CSF1R: variants seen among roughly 807,000 people sequenced by gnomAD.
CSF1R encodes colony stimulating factor 1 receptor, also known as macrophage colony-stimulating factor 1 receptor.
CSF1R carries 40 observed loss-of-function variants against 110.0 expected under a neutral mutation model. That is an observed-to-expected ratio of 0.36 (90% CI 0.28 to 0.47). The LOEUF (loss-of-function observed/expected upper bound fraction) is 0.47, where lower values mean the gene tolerates loss of function less well. CSF1R is among the 20% of genes least tolerant of loss of function. CSF1R has a pLI of 0.99. For missense variants in CSF1R, 1,052 were observed against 1,253.0 expected, an observed-to-expected ratio of 0.84 and a Z score of 2.42; for synonymous variants, 523 against 503.4, an observed-to-expected ratio of 1.04 and a Z score of -0.52.
At chr5:150,054,298 C>G (rs1161668017) in intron 20 of CSF1R, 24 bp downstream of exon 20, 3 of 1,614,064 alleles carry the variant, frequency 1.9e-6, no homozygotes, top group Non-Finnish European at 2.5e-6. Flanking sequence ...ACCGGCCACC[C>G]ACCCCAAGCC....
At chr5:150,054,510 A>G in intron 19 of CSF1R, 80 bp from the exon 20 acceptor site, 2 of 1,218,334 alleles carry the variant, frequency 1.6e-6, no homozygotes, top group African/African-American at 1.5e-5. Flanking sequence ...AGAGAGACCT[A>G]CCCAGCAGAG....
intron 1 of CSF1R, among the ~76,000 whole-genome samples, chr5:150,103,055 C>A (rs1351946069): frequency 1.3e-5 from 2 of 152,184 alleles, no homozygotes; most frequent in African/African-American, 4.8e-5. Context: ...CAGTGAAGTG[C>A]ATAGCTCTAT....
chr5:150,096,814 G>A (rs186482469), intron 1 of CSF1R, among the ~76,000 whole-genome samples: 1 of 152,248 alleles, frequency 6.6e-6, no homozygotes, highest in Non-Finnish European at 1.5e-5. Flanking sequence ...ATATGGTAAA[G>A]GGCATCTGTA....
At chr5:150,092,266 A>G (rs368068581) in intron 1 of CSF1R, among the ~76,000 whole-genome samples, 2 of 152,318 alleles carry the variant, frequency 1.3e-5, no homozygotes. Flanking sequence ...TTAAAGCAAA[A>G]GTAGTAGCAA....
chr5:150,084,391 G>GAAAGAAAGA (rs1194817821), intron 1 of CSF1R, among the ~76,000 whole-genome samples: 2 of 29,668 alleles, frequency 6.7e-5, no homozygotes, highest in East Asian at 7.2e-4. Flanking sequence ...AAGAAAGAAA[G>GAAAGAAAGA]AAGGAAGGAA....
Position 150,054,303 on chromosome 5 carries a change from C to T in CSF1R, c.2763+19G>A. 1 of 1,614,118 alleles carries T rather than the reference C, an allele frequency of 6.2e-7. No individual in the cohort carries two copies. Reference sequence around the variant, plus strand: ...AACGTGCTTTACCGGCCACCCACCCCAAGCCTCACCCCACTCACCCGCTCT... The same window carrying T: ...AACGTGCTTTACCGGCCACCCACCCTAAGCCTCACCCCACTCACCCGCTCT... On this transcript the variant is annotated intron_variant, in intron 20 of 20. Coordinates refer to ENST00000675795, the MANE Select transcript of CSF1R (RefSeq NM_001288705.3).
upstream of CSF1R, among the ~76,000 whole-genome samples, chr5:150,090,592 C>A (rs1209338880): frequency 6.6e-6 from 1 of 152,018 alleles, no homozygotes; most frequent in Non-Finnish European, 1.5e-5. Flanking sequence ...TGTAGAATCA[C>A]GCAATATGTA....
In CSF1R at chr5:150,086,528, C is replaced by A. The variant is rs560184933; in HGVS notation, c.-101G>T. The stretch of plus-strand genomic sequence containing the variant: ...CGCAGGGATCGGGACACTGGACACA[C>A]GTTCCTCTCCTCTGCACTGGCTGTT... On this transcript the variant is annotated 5_prime_UTR_variant, in exon 1 of 21. Transcript: ENST00000675795. 2.4e-4 allele frequency: 268 copies of A among 1,103,978 alleles called. No homozygotes were observed. Among genetic ancestry groups the A allele is most frequent in the Admixed American group, 1.3e-3 (63 of 49,770 alleles). 68.4% of individuals were successfully genotyped at this position (1,103,978 alleles called of 1,614,324 possible). A position where few individuals can be genotyped will look rare whatever the true frequency, so the allele number is the denominator to read the frequency against.
chr5:150,054,929 G>A (rs1305850933), intron 19 of CSF1R: 2 of 312,712 alleles, frequency 6.4e-6, no homozygotes, highest in Non-Finnish European at 1.2e-5. Context: ...GATTGAGGCT[G>A]CAGTGAGCTA....
intron 1 of CSF1R, among the ~76,000 whole-genome samples, chr5:150,091,852 CAAAAAAAAAAAA>C (rs57967086): frequency 1.4e-5 from 1 of 71,228 alleles, no homozygotes; most frequent in African/African-American, 5.9e-5. Flanking sequence ...CCCATACTAC[CAAAAAAAAAAAA>C]AAAAAAAAAA....
Position 150,056,012 on chromosome 5 carries a change from G to A in CSF1R, c.2554+14C>T, listed in dbSNP as rs774473631. On this transcript the variant is annotated intron_variant, in intron 18 of 20. Transcript: ENST00000675795. ...CAGCCCCAGGCTCTGCCTGGAGTGG[G>A]CCCAGTGGCTCACCAAGTGAGAAGA... 2 of 1,611,734 alleles carry A rather than the reference G, an allele frequency of 1.2e-6. No individual in the cohort carries two copies. The highest frequency in any genetic ancestry group is 1.7e-5 in the Admixed American group (1 of 59,972).
At chr5:150,110,007 T>A (rs192344050) in intron 1 of CSF1R, among the ~76,000 whole-genome samples, 6 of 152,278 alleles carry the variant, frequency 3.9e-5, no homozygotes, top group African/African-American at 1.4e-4. Context: ...ACTTCCTGGA[T>A]CTCTTCGCCC....
intron 9 of CSF1R, 94 bp from the exon 10 acceptor site, chr5:150,068,424 CAATA>C: frequency 1.3e-6 from 1 of 780,026 alleles, no homozygotes; most frequent in Non-Finnish European, 2.1e-6. Context: ...AGTGGGTGCT[CAATA>C]AATGCTTGTT....
In CSF1R at chr5:150,054,329, C is replaced by T; in HGVS notation, c.2756G>A (p.Arg919Lys). The change falls in exon 20 of 21, where the codon AGA becomes AAA. Residue 919 changes from arginine to lysine, a missense_variant. Transcript: ENST00000675795. ...FLQEQAQEDR[R>K]ERDYTNLPSS... ...AAGCCTCACCCCACTCACCCGCTCT[C>T]TCCTGTCCTCTTGGGCCTGCTCCTG... 1.9e-6 allele frequency: 3 copies of T among 1,614,192 alleles called. No homozygotes were observed. Among genetic ancestry groups the T allele is most frequent in the South Asian group, 1.1e-5 (1 of 91,086 alleles).
intron 1 of CSF1R, among the ~76,000 whole-genome samples, chr5:150,104,762 T>C (rs1759497153): frequency 6.6e-6 from 1 of 152,186 alleles, no homozygotes; most frequent in Admixed American, 6.5e-5. Context: ...TTTAGATGTA[T>C]GAAGAGTGAA....
chr5:150,080,913 G>T lies in CSF1R; in HGVS notation c.161C>A (p.Pro54Gln), dbSNP rs752543190. The T allele has an allele frequency of 6.2e-7, 1 of 1,614,120 alleles. No individual in the cohort carries two copies. Among genetic ancestry groups the T allele is most frequent in the East Asian group, 2.2e-5 (1 of 44,882 alleles). The change falls in exon 2 of 21, where the codon CCA becomes CAA. Residue 54 changes from proline (P) to glutamine (Q), a missense_variant. Coordinates refer to ENST00000675795, the MANE Select transcript of CSF1R (RefSeq NM_001288705.3). ...GNGSVEWDGP[P>Q]SPHWTLYSDG... ...AGAGTACAGGGTCCAGTGAGGTGAT[G>T]GGGGGCCATCCCATTCCACGCTGCC...
chr5:150,064,447 A>G (rs941722627), intron 10 of CSF1R, among the ~76,000 whole-genome samples: 1 of 152,218 alleles, frequency 6.6e-6, no homozygotes, highest in African/African-American at 2.4e-5. Context: ...GGCGGACTGC[A>G]GGTGAACTTC....
chr5:150,099,825 C>G (rs1457350144), intron 1 of CSF1R, among the ~76,000 whole-genome samples: 1 of 151,330 alleles, frequency 6.6e-6, no homozygotes, highest in African/African-American at 2.4e-5. Flanking sequence ...ATACATTTGT[C>G]AAAAGTAGCA....
At chr5:150,061,639 C>CCT in intron 11 of CSF1R, 44 bp from the exon 12 acceptor site, 1 of 1,613,996 alleles carries the variant, frequency 6.2e-7, no homozygotes, top group Non-Finnish European at 8.5e-7. Context: ...CACCAAAGGG[C>CCT]CTCTGTCCAA....
Sources: allele counts gnomAD v4.1 joint callset (sites outside exome capture counted in the v4.1 genomes callset), GRCh38; gene constraint gnomAD v4.1.1; transcripts MANE v1.5; gene names NCBI Gene and HGNC (gene_info 2026-07-23, HGNC 2026-07-21).